Variants in EMCN observed in about 807,000 individuals in gnomAD.
EMCN encodes MUC-14.
In EMCN, 37 loss-of-function variants were observed where a neutral mutation model predicts 38.4. The observed-to-expected ratio is 0.96, with a 90% CI of 0.74 to 1.27. The LOEUF is 1.27. Among genes scored for constraint, EMCN ranks in the 50% most tolerant of loss-of-function variants. The probability of loss-of-function intolerance (pLI) is 0.00; values close to 1 mark genes in which losing one functional copy is unlikely to be tolerated. For missense variants in EMCN, 318 were observed against 302.8 expected (o/e 1.05, Z -0.37); for synonymous variants, 95 against 100.8 (o/e 0.94, Z 0.35).
chr4:100,476,598 A>G (rs1728658499), intron 2 of EMCN, among the ~76,000 whole-genome samples: 1 of 152,234 alleles, frequency 6.6e-6, no homozygotes, highest in Non-Finnish European at 1.5e-5. Context: ...AATCATTAAG[A>G]TATCATAATT....
intron 1 of EMCN, among the ~76,000 whole-genome samples, chr4:100,491,884 T>G (rs61121312): frequency 0.16 from 24,142 of 152,192 alleles, 3,053 homozygotes; most frequent in East Asian, 0.7. Flanking sequence ...AATCACAGGC[T>G]AGACTAAATA....
At chr4:100,505,932 A>C (rs1366978627) in intron 1 of EMCN, among the ~76,000 whole-genome samples, 1 of 152,170 alleles carries the variant, frequency 6.6e-6, no homozygotes, top group Non-Finnish European at 1.5e-5. Flanking sequence ...GTTGTCCACA[A>C]AACTGTCCAT....
chr4:100,423,060 T>G lies in EMCN; in HGVS notation c.529A>C (p.Lys177Gln). 6.2e-7 allele frequency: 1 copy of G among 1,613,176 alleles called. No individual in the cohort carries two copies. Among genetic ancestry groups the G allele is most frequent in the South Asian group, 1.1e-5 (1 of 91,064 alleles). Residue 177 changes from lysine (K) to glutamine (Q), a missense_variant, in exon 7 of 12, where the codon AAA becomes CAA. Lys to Gln is a moderately conservative substitution (Grantham distance 53, BLOSUM62 1). Transcript: ENST00000296420. ...QSQVIGTEGG[K>Q]NASTSATSRS... Reference sequence around the variant, plus strand: ...CTGGTTGCTGAAGTGCTTGCATTTTTTCCACCCTCAGTGCCTATTACTTTA... The same window carrying G: ...CTGGTTGCTGAAGTGCTTGCATTTTGTCCACCCTCAGTGCCTATTACTTTA...
chr4:100,468,845 C>T (rs1728395358), intron 3 of EMCN, among the ~76,000 whole-genome samples: 1 of 151,320 alleles, frequency 6.6e-6, no homozygotes, highest in African/African-American at 2.4e-5. Context: ...TTAAAAATCC[C>T]TATCAAAATT....
chr4:100,492,233 C>G (rs1445350978), intron 1 of EMCN, among the ~76,000 whole-genome samples: 1 of 151,348 alleles, frequency 6.6e-6, no homozygotes, highest in African/African-American at 2.4e-5. Flanking sequence ...CTTAGAAAAC[C>G]AAATAGAAAT....
At chr4:100,476,133 C>T (rs1339181008) in intron 2 of EMCN, among the ~76,000 whole-genome samples, 3 of 151,976 alleles carry the variant, frequency 2.0e-5, no homozygotes, top group Non-Finnish European at 4.4e-5. Context: ...CAGTTTGATA[C>T]CTACTCTCCA....
At chr4:100,483,717 T>G (rs1173811655) in intron 1 of EMCN, among the ~76,000 whole-genome samples, 4 of 152,278 alleles carry the variant, frequency 2.6e-5, no homozygotes, top group African/African-American at 9.6e-5. Context: ...AATTATTTCC[T>G]CTAACTACCA....
chr4:100,439,895 T>C (rs1418869941), intron 5 of EMCN, among the ~76,000 whole-genome samples: 4 of 152,092 alleles, frequency 2.6e-5, no homozygotes, highest in African/African-American at 9.7e-5. Context: ...CATTGGTTGT[T>C]CAGGAGCACG....
chr4:100,408,701 C>G (rs1393944716), intron 11 of EMCN, among the ~76,000 whole-genome samples: 1 of 152,146 alleles, frequency 6.6e-6, no homozygotes, highest in Non-Finnish European at 1.5e-5. Flanking sequence ...AGACTGTGCA[C>G]TGCAGGCCTG....
At chr4:100,412,708 G>T (rs1726598004) in intron 10 of EMCN, among the ~76,000 whole-genome samples, 1 of 151,966 alleles carries the variant, frequency 6.6e-6, no homozygotes, top group African/African-American at 2.4e-5. Flanking sequence ...TTTTTTTCCT[G>T]AAAGCATCTT....
intron 3 of EMCN, among the ~76,000 whole-genome samples, chr4:100,468,739 G>A (rs1214181140): frequency 2.0e-5 from 3 of 151,890 alleles, no homozygotes; most frequent in African/African-American, 7.2e-5. Context: ...TAAAAAAACT[G>A]AAGAATTCAC....
chr4:100,432,250 T>A (rs577634197), intron 5 of EMCN, among the ~76,000 whole-genome samples: 1 of 152,210 alleles, frequency 6.6e-6, no homozygotes, highest in East Asian at 1.9e-4. Flanking sequence ...GAACCCTTTC[T>A]CATCTTTTAA....
In EMCN at chr4:100,448,795, T is replaced by TTTTCTTTCTTTCCTTCCTTC. The variant is rs58028381; in HGVS notation, c.377-1225_377-1224insGAAGGAAGGAAAGAAAGAAA. Reference sequence around the variant, plus strand: ...GCACAAGGCCCTTTCTGCCTTGAAGTCTTCCTTCCTTCCTTCCTTCCTTCC... The same window carrying TTTTCTTTCTTTCCTTCCTTC: ...GCACAAGGCCCTTTCTGCCTTGAAGTTTTCTTTCTTTCCTTCCTTCCTTCCTTCCTTCCTTCCTTCCTTCC... On this transcript the variant is annotated intron_variant, in intron 4 of 11. Transcript: ENST00000296420. 6.0e-3 allele frequency among the ~76,000 whole-genome samples: 685 copies of TTTTCTTTCTTTCCTTCCTTC among 114,340 alleles called. 56 individuals carry two copies. Among genetic ancestry groups the TTTTCTTTCTTTCCTTCCTTC allele is most frequent in the African/African-American group, 0.022 (657 of 30,460 alleles). The allele number at this position is 114,340 out of a possible 152,430, so 75.0% of individuals were successfully genotyped here. A position where few individuals can be genotyped will look rare whatever the true frequency, so the allele number is the denominator to read the frequency against.
chr4:100,474,914 G>A (rs985368883), intron 3 of EMCN, 124 bp downstream of exon 3: 2 of 408,122 alleles, frequency 4.9e-6, no homozygotes, highest in Non-Finnish European at 8.8e-6. Context: ...ATTAATAGTG[G>A]TGGTGGCTGT....
chr4:100,465,697 T>C (rs1009890847), intron 3 of EMCN, among the ~76,000 whole-genome samples, 158 bp from the exon 4 acceptor site: 5 of 152,200 alleles, frequency 3.3e-5, no homozygotes. Flanking sequence ...CTTTTGGTGA[T>C]ATAATTAATT....
chr4:100,422,142 T>C (rs1726906437), intron 7 of EMCN, among the ~76,000 whole-genome samples: 1 of 152,086 alleles, frequency 6.6e-6, no homozygotes, highest in African/African-American at 2.4e-5. Flanking sequence ...GTTTAGCATA[T>C]TTGCTTTCAT....
intron 4 of EMCN, among the ~76,000 whole-genome samples, chr4:100,447,895 G>T (rs1201761467): frequency 6.6e-6 from 1 of 152,024 alleles, no homozygotes; most frequent in East Asian, 1.9e-4. Flanking sequence ...ATAACTGTGT[G>T]CCAATAAAAC....
rs200913864 is a variant in EMCN, at chr4:100,415,966, G to GA, written c.690-8dup. On this transcript the variant is annotated splice_region_variant and splice_polypyrimidine_tract_variant and intron_variant, in intron 9 of 11. Coordinates refer to ENST00000296420, the MANE Select transcript of EMCN (RefSeq NM_016242.4). ...CTCTTTATCAGACTGAGGTCTATTTGAAAAAAAAAACATGAAATTAACACC... is the reference window on the plus strand; with the variant it reads ...CTCTTTATCAGACTGAGGTCTATTTGAAAAAAAAAAACATGAAATTAACACC... 25,869 of 1,269,748 alleles carry GA rather than the reference G, an allele frequency of 0.02. 30 individuals carry two copies. The highest frequency in any genetic ancestry group is 0.041 in the East Asian group (1,414 of 34,424). 78.7% of individuals were successfully genotyped at this position (1,269,748 alleles called of 1,614,324 possible).
chr4:100,414,707 A>G (rs1230451943), intron 10 of EMCN, among the ~76,000 whole-genome samples: 1 of 152,224 alleles, frequency 6.6e-6, no homozygotes, highest in Non-Finnish European at 1.5e-5. Flanking sequence ...TTGAATTTAT[A>G]CATGAAATTG....
Sources: allele counts gnomAD v4.1 joint callset (sites outside exome capture counted in the v4.1 genomes callset), GRCh38; gene constraint gnomAD v4.1.1; transcripts MANE v1.5; gene names NCBI Gene and HGNC (gene_info 2026-07-23, HGNC 2026-07-21).